Variants in PTER observed in about 807,000 individuals in gnomAD.
PTER encodes N-acetyltaurine hydrolase.
In PTER, 38 loss-of-function variants were observed where a neutral mutation model predicts 29.6. The observed-to-expected ratio is 1.28, with a 90% CI of 0.99 to 1.68. PTER has a LOEUF of 1.68. Among genes scored for constraint, PTER ranks in the 40% most tolerant of loss-of-function variants. The probability of loss-of-function intolerance (pLI) is 0.00; values close to 1 mark genes in which losing one functional copy is unlikely to be tolerated. For missense variants in PTER, 482 were observed against 427.8 expected (o/e 1.13, Z -1.12); for synonymous variants, 172 against 154.5 (o/e 1.11, Z -0.84).
At chr10:16,492,309 TAAGTG>T (rs1835928560) in intron 3 of PTER, among the ~76,000 whole-genome samples, 1 of 152,208 alleles carries the variant, frequency 6.6e-6, no homozygotes, top group Non-Finnish European at 1.5e-5. Flanking sequence ...ACCTGGCACT[TAAGTG>T]TTCCTGTTTG....
At chr10:16,494,138 A>C (rs542741437) in intron 3 of PTER, among the ~76,000 whole-genome samples, 1 of 152,260 alleles carries the variant, frequency 6.6e-6, no homozygotes, top group Non-Finnish European at 1.5e-5. Flanking sequence ...TACATGAAAA[A>C]CGCAACCTCT....
downstream of PTER, among the ~76,000 whole-genome samples, chr10:16,517,568 C>G (rs186619734): frequency 1.0e-3 from 152 of 152,206 alleles, no homozygotes; most frequent in African/African-American, 3.5e-3. Context: ...TTCCTCTTTC[C>G]AAATGTAAAG....
intron 1 of PTER, among the ~76,000 whole-genome samples, chr10:16,469,898 T>G (rs989146929): frequency 7.5e-6 from 1 of 133,616 alleles, no homozygotes; most frequent in Non-Finnish European, 1.6e-5. Flanking sequence ...TGTTTGTTTT[T>G]TTGTTTTTTT....
chr10:16,498,434 T>C (rs1032985960), intron 3 of PTER, among the ~76,000 whole-genome samples: 18 of 152,024 alleles, frequency 1.2e-4, no homozygotes, highest in Non-Finnish European at 2.6e-4. Context: ...AAATACAAAA[T>C]TAGCTGGGTG....
intron 1 of PTER, among the ~76,000 whole-genome samples, chr10:16,479,422 C>A (rs555363913): frequency 5.9e-5 from 9 of 151,946 alleles, no homozygotes; most frequent in African/African-American, 1.9e-4. Context: ...GCCCAGGCTG[C>A]TTCAAAGAAG....
intron 1 of PTER, among the ~76,000 whole-genome samples, chr10:16,467,934 A>G (rs570095276): frequency 1.7e-4 from 26 of 152,364 alleles, no homozygotes; most frequent in African/African-American, 6.3e-4. Flanking sequence ...AACATTTTCC[A>G]TGCTTTTTAA....
At chr10:16,471,392 A>G (rs367764627) in intron 1 of PTER, among the ~76,000 whole-genome samples, 2 of 152,242 alleles carry the variant, frequency 1.3e-5, no homozygotes, top group East Asian at 3.9e-4. Context: ...ATCTTTTCCC[A>G]TTTTACTCCC....
At chr10:16,504,433 C>T (rs1202148292) in intron 3 of PTER, among the ~76,000 whole-genome samples, 2 of 152,076 alleles carry the variant, frequency 1.3e-5, no homozygotes, top group African/African-American at 4.8e-5. Context: ...CACTCCAGAG[C>T]ATAAATATCT....
intron 4 of PTER, among the ~76,000 whole-genome samples, chr10:16,508,621 A>G (rs569457603): frequency 6.6e-5 from 10 of 152,122 alleles, no homozygotes; most frequent in Non-Finnish European, 1.5e-4. Flanking sequence ...TTTACCCTTT[A>G]CTGTGCTAAA....
intron 4 of PTER, among the ~76,000 whole-genome samples, chr10:16,506,999 G>A (rs564810259): frequency 1.2e-4 from 18 of 151,840 alleles, no homozygotes; most frequent in South Asian, 4.2e-4. Context: ...AGTTGTGTGC[G>A]TACAAGCAGA....
rs762325781 is a variant in PTER at position 16,513,644 on chromosome 10, C to T, written c.*2388C>T. The T allele has an allele frequency of 2.8e-4, 42 of 152,558 alleles. No individual in the cohort carries two copies. Among genetic ancestry groups the T allele is most frequent in the Non-Finnish European group, 1.6e-4 (11 of 67,992 alleles). The allele number at this position is 152,558 out of a possible 1,614,324, so 9.5% of individuals were successfully genotyped here. A position where few individuals can be genotyped will look rare whatever the true frequency, so the allele number is the denominator to read the frequency against. The stretch of plus-strand genomic sequence containing the variant: ...GACGTATGCAGCAGCTCAAATTAAA[C>T]CTTTGTGCATTGGGTTATGAATAAT... On this transcript the variant is annotated 3_prime_UTR_variant, in exon 5 of 5. Transcript: ENST00000535784.
chr10:16,444,004 C>CTT (rs199711479), intron 1 of PTER, among the ~76,000 whole-genome samples: 29 of 136,852 alleles, frequency 2.1e-4, no homozygotes, highest in East Asian at 6.4e-4. Flanking sequence ...AAAACTTTTT[C>CTT]TTTTTTTTTT....
At chr10:16,446,755 G>T (rs1834027602) in intron 1 of PTER, among the ~76,000 whole-genome samples, 1 of 151,810 alleles carries the variant, frequency 6.6e-6, no homozygotes, top group South Asian at 2.1e-4. Context: ...CACCAAGATT[G>T]TAAGACATTT....
At chr10:16,467,016 C>A (rs891642730) in intron 1 of PTER, among the ~76,000 whole-genome samples, 6 of 152,186 alleles carry the variant, frequency 3.9e-5, no homozygotes, top group African/African-American at 1.4e-4. Context: ...TCCACCAATG[C>A]AGATAGGAAA....
intron 3 of PTER, among the ~76,000 whole-genome samples, chr10:16,499,320 G>A (rs540041339): frequency 6.6e-6 from 1 of 152,090 alleles, no homozygotes; most frequent in African/African-American, 2.4e-5. Context: ...TTGAAAACCT[G>A]TGTGATCACT....
At chr10:16,463,653 T>G (rs1390276123) in intron 1 of PTER, among the ~76,000 whole-genome samples, 1 of 151,980 alleles carries the variant, frequency 6.6e-6, no homozygotes, top group Non-Finnish European at 1.5e-5. Context: ...TGACCTCAGG[T>G]GATCCGCTCA....
At position 16,437,952 on chromosome 10, in the gene PTER, A is replaced by T. The variant is rs531258719; in HGVS notation, c.-49+905A>T. ...GATTTAAAGAACTTTGGACCCAGAA[A>T]GAGTAGAGCCCTATTCTAGTTCTGG... is the stretch of plus-strand genomic sequence containing the variant. On this transcript the variant is annotated intron_variant, in intron 1 of 4. Coordinates refer to ENST00000535784, the MANE Select transcript of PTER (RefSeq NM_001261836.2). Among the ~76,000 whole-genome samples, 4 of 152,332 alleles carry T rather than the reference A, an allele frequency of 2.6e-5. No individual in the cohort carries two copies. The South Asian group carries it at 8.3e-4, about 32-fold the overall frequency.
chr10:16,453,484 A>G (rs1834287089), intron 1 of PTER, among the ~76,000 whole-genome samples: 1 of 152,208 alleles, frequency 6.6e-6, no homozygotes, highest in Non-Finnish European at 1.5e-5. Flanking sequence ...GAAGGCTACT[A>G]TAAAGACACC....
chr10:16,498,725 T>C (rs553128430), intron 3 of PTER, among the ~76,000 whole-genome samples: 1 of 152,346 alleles, frequency 6.6e-6, no homozygotes, highest in Non-Finnish European at 1.5e-5. Context: ...GACCTCTGTT[T>C]AATCCTCATC....
Sources: gnomAD v4.1 joint callset for allele counts (sites outside exome capture counted in the v4.1 genomes callset) on GRCh38, gnomAD v4.1.1 for gene constraint, MANE v1.5 for transcripts, NCBI Gene and HGNC (gene_info 2026-07-23, HGNC 2026-07-21) for gene names.